B4GALT1: variants seen among roughly 807,000 people sequenced by gnomAD.
B4GALT1 encodes the protein N-acetyllactosamine synthase.
Under a neutral mutation model 34.9 loss-of-function variants are expected in B4GALT1, and 16 were observed. The ratio of observed to expected loss-of-function variants is 0.46; its 90% CI spans 0.31 to 0.70. The LOEUF is 0.70. Ranked by LOEUF, B4GALT1 falls within the 30% of genes least tolerant of loss-of-function variation. The pLI is 0.05. For synonymous variants in B4GALT1, 221 were observed against 218.1 expected (o/e 1.01, Z -0.12); for missense variants, 445 against 530.5 (o/e 0.84, Z 1.58).
intron 1 of B4GALT1, among the ~76,000 whole-genome samples, chr9:33,153,153 G>A (rs1170822362): frequency 6.6e-6 from 1 of 152,124 alleles, no homozygotes; most frequent in Non-Finnish European, 1.5e-5. Context: ...TATGATACTG[G>A]CAAATATATA....
At chr9:33,148,060 G>C (rs1256601218) in intron 1 of B4GALT1, among the ~76,000 whole-genome samples, 2 of 151,774 alleles carry the variant, frequency 1.3e-5, no homozygotes, top group African/African-American at 4.8e-5. Context: ...AAATAAATAA[G>C]TAAATAACAG....
Position 33,167,318 on chromosome 9 carries a change from G to C in B4GALT1, c.-149C>G. The C allele has an allele frequency of 9.3e-7, 1 of 1,078,972 alleles. No individual in the cohort carries two copies. Among genetic ancestry groups the C allele is most frequent in the South Asian group, 2.3e-5 (1 of 44,140 alleles). The allele number at this position is 1,078,972 out of a possible 1,614,324, so 66.8% of individuals were successfully genotyped here. A position where few individuals can be genotyped will look rare whatever the true frequency, so the allele number is the denominator to read the frequency against. On this transcript the variant is annotated 5_prime_UTR_variant, in exon 1 of 6. Transcript: ENST00000379731. ...GCGGCTGAGAGCTGAGACTCCTCCA[G>C]CCAGCCAGACCTGGGAGCGGCGAGA...
intron 2 of B4GALT1, among the ~76,000 whole-genome samples, chr9:33,105,355 T>C (rs574874015): frequency 6.6e-6 from 1 of 151,826 alleles, no homozygotes; most frequent in Admixed American, 6.6e-5. Context: ...GTCAGGCTGG[T>C]CTCGAGAACT....
the B4GALT1 span, among the ~76,000 whole-genome samples, chr9:33,184,727 C>T: frequency 1.4e-4 from 21 of 152,318 alleles, no homozygotes; most frequent in Middle Eastern, 6.8e-3. Flanking sequence ...TGAGCTGCAA[C>T]GCTCTAAACC....
At chr9:33,125,735 T>G (rs577578371) in intron 2 of B4GALT1, among the ~76,000 whole-genome samples, 1 of 152,278 alleles carries the variant, frequency 6.6e-6, no homozygotes, top group South Asian at 2.1e-4. Context: ...AAGGCAAGTG[T>G]GGCCTTCCCC....
rs988808744 is a variant in B4GALT1, at chr9:33,114,014, G to C, written c.960-136C>G. On this transcript the variant is annotated intron_variant, in intron 4 of 5. Transcript: ENST00000379731. ...CAGCCCACAACCCAGCATCATGCCA[G>C]AACCCAGCCCAGCATGACCCTGGTT... 8.8e-6 allele frequency: 7 copies of C among 796,732 alleles called. No individual in the cohort carries two copies. In the African/African-American group the frequency reaches 1.2e-4, roughly 13 times the overall value. The allele number at this position is 796,732 out of a possible 1,614,324, so 49.4% of individuals were successfully genotyped here.
intron 1 of B4GALT1, among the ~76,000 whole-genome samples, chr9:33,136,645 T>C (rs1840277055): frequency 6.6e-6 from 1 of 152,170 alleles, no homozygotes; most frequent in African/African-American, 2.4e-5. Flanking sequence ...AACCCACCAT[T>C]TCCCAAGCTT....
At position 33,132,990 on chromosome 9, in the gene B4GALT1, C is replaced by T. The variant is rs574496866; in HGVS notation, c.648+2199G>A. 5.9e-5 allele frequency among the ~76,000 whole-genome samples: 9 copies of T among 152,234 alleles called. No homozygotes were observed. The South Asian group carries it at 8.3e-4, about 14-fold the overall frequency. On this transcript the variant is annotated intron_variant, in intron 2 of 5. Coordinates refer to ENST00000379731, the MANE Select transcript of B4GALT1 (RefSeq NM_001497.4). ...TGATCTCGGCTCACTGCAACCTCTG[C>T]CTCCTGGGTTCAAGAGATTCTCCTG...
chr9:33,144,259 A>C (rs1396114455), intron 1 of B4GALT1, among the ~76,000 whole-genome samples: 3 of 150,634 alleles, frequency 2.0e-5, no homozygotes, highest in African/African-American at 2.5e-5. Flanking sequence ...TTTGAGGAGG[A>C]GTCTCACTCT....
At chr9:33,118,489 T>C (rs532887837) in intron 3 of B4GALT1, among the ~76,000 whole-genome samples, 2 of 150,886 alleles carry the variant, frequency 1.3e-5, no homozygotes, top group East Asian at 3.9e-4. Flanking sequence ...TAGTGAGACA[T>C]CTCTAAAAAA....
At chr9:33,166,271 ATCAGGAGAAAAACCCAC>A (rs541553910) in intron 1 of B4GALT1, among the ~76,000 whole-genome samples, 81 of 152,322 alleles carry the variant, frequency 5.3e-4, no homozygotes, top group African/African-American at 1.9e-3. Context: ...GGCCCAAACG[ATCAGGAGAAAAACCCAC>A]TCAGGAGAGT....
intron 2 of B4GALT1, among the ~76,000 whole-genome samples, chr9:33,131,601 C>A (rs1840194256): frequency 6.6e-6 from 1 of 152,026 alleles, no homozygotes; most frequent in Non-Finnish European, 1.5e-5. Flanking sequence ...CATGTGTGTG[C>A]ATGTGTATGT....
In B4GALT1 at chr9:33,129,114, A is replaced by G. The variant is rs556364071; in HGVS notation, c.648+6075T>C. On this transcript the variant is annotated intron_variant, in intron 2 of 5. Transcript: ENST00000379731. ...CAGGCTCCAGCTCTGCTTCCTGGCC[A>G]TCGTGTGCTTACCTGTGGAGCCTTC... Among the ~76,000 whole-genome samples the G allele has an allele frequency of 3.9e-5, 6 of 152,052 alleles. No homozygotes were observed. The South Asian group carries it at 1.2e-3, about 32-fold the overall frequency.
Position 33,110,696 on chromosome 9 carries a change from A to T in B4GALT1, c.*2758T>A, listed in dbSNP as rs961651633. 1 of 152,188 alleles carries T rather than the reference A, an allele frequency of 6.6e-6. No homozygotes were observed. Among genetic ancestry groups the T allele is most frequent in the Admixed American group, 6.5e-5 (1 of 15,280 alleles). The allele number at this position is 152,188 out of a possible 1,614,324, so 9.4% of individuals were successfully genotyped here. A position where few individuals can be genotyped will look rare whatever the true frequency, so the allele number is the denominator to read the frequency against. ...ATATTATTTAATTTTAAAGGCAAAAATACAGTTCTGTTTTGAACACCAAGA... is the reference window on the plus strand; with the variant it reads ...ATATTATTTAATTTTAAAGGCAAAATTACAGTTCTGTTTTGAACACCAAGA... On this transcript the variant is annotated 3_prime_UTR_variant, in exon 6 of 6. Coordinates refer to ENST00000379731, the MANE Select transcript of B4GALT1 (RefSeq NM_001497.4).
chr9:33,154,919 G>C (rs1158349250), intron 1 of B4GALT1, among the ~76,000 whole-genome samples: 1 of 152,084 alleles, frequency 6.6e-6, no homozygotes, highest in African/African-American at 2.4e-5. Flanking sequence ...TGTGGCCTGG[G>C]GAAGCCAAAA....
intron 2 of B4GALT1, among the ~76,000 whole-genome samples, chr9:33,134,268 A>T (rs1489069948): frequency 2.6e-5 from 4 of 152,086 alleles, no homozygotes; most frequent in Admixed American, 2.6e-4. Flanking sequence ...CAATCCTCCT[A>T]CCTAAAGCAG....
At chr9:33,159,048 C>T (rs1472694638) in intron 1 of B4GALT1, among the ~76,000 whole-genome samples, 1 of 152,098 alleles carries the variant, frequency 6.6e-6, no homozygotes, top group Non-Finnish European at 1.5e-5. Flanking sequence ...ACCTTAATAC[C>T]ACATCCCCAC....
chr9:33,154,682 T>A (rs954850664), intron 1 of B4GALT1, among the ~76,000 whole-genome samples: 1 of 152,240 alleles, frequency 6.6e-6, no homozygotes, highest in Non-Finnish European at 1.5e-5. Context: ...GACCAACTTA[T>A]CTATTCATCT....
chr9:33,126,364 A>C (rs1388310505), intron 2 of B4GALT1, among the ~76,000 whole-genome samples: 1 of 152,206 alleles, frequency 6.6e-6, no homozygotes. Context: ...GGGATTATAC[A>C]AATGCTGAGT....
Sources: gnomAD v4.1 joint callset for allele counts (sites outside exome capture counted in the v4.1 genomes callset) on GRCh38, gnomAD v4.1.1 for gene constraint, MANE v1.5 for transcripts, NCBI Gene and HGNC (gene_info 2026-07-23, HGNC 2026-07-21) for gene names.